MAMLD1: variants seen among roughly 807,000 people sequenced by gnomAD.
MAMLD1 encodes the protein mastermind-like domain-containing protein 1.
In MAMLD1, 14 loss-of-function variants were observed where a neutral mutation model predicts 45.0. The ratio of observed to expected loss-of-function variants is 0.31; its 90% CI spans 0.21 to 0.49. The LOEUF is 0.49. Among genes scored for constraint, MAMLD1 ranks in the 20% least tolerant of loss-of-function variants. The pLI is 0.99. For missense variants in MAMLD1, 543 were observed against 603.6 expected, an observed-to-expected ratio of 0.90 and a Z score of 1.05; for synonymous variants, 254 against 247.8, an observed-to-expected ratio of 1.02 and a Z score of -0.24.
At chrX:150,428,917 T>A (rs2034813856) in intron 1 of MAMLD1, among the ~76,000 whole-genome samples, 1 of 111,718 alleles carries the variant, frequency 9.0e-6, no homozygotes, top group Admixed American at 9.5e-5. Context: ...TGGCTCCGGG[T>A]GTCACAAAGG....
chrX:150,381,805 C>T (rs990422194), intron 1 of MAMLD1, among the ~76,000 whole-genome samples: 50 of 111,965 alleles, frequency 4.5e-4, no homozygotes, highest in African/African-American at 1.6e-3. Context: ...GTTTATTTTT[C>T]ATCCATATAA....
At chrX:150,440,637 A>G (rs1368723529) in intron 1 of MAMLD1, among the ~76,000 whole-genome samples, 1 of 109,227 alleles carries the variant, frequency 9.2e-6, no homozygotes, top group African/African-American at 3.3e-5. Flanking sequence ...TTATATGTGT[A>G]TTCATAGTAG....
At chrX:150,430,567 G>T (rs893122636) in intron 1 of MAMLD1, among the ~76,000 whole-genome samples, 4 of 111,422 alleles carry the variant, frequency 3.6e-5, no homozygotes, top group Non-Finnish European at 5.7e-5. Context: ...AAATCCAGAA[G>T]ATTTTCTCCT....
intron 1 of MAMLD1, among the ~76,000 whole-genome samples, chrX:150,367,559 AC>A (rs1443502459): frequency 9.0e-6 from 1 of 110,695 alleles, no homozygotes; most frequent in Non-Finnish European, 1.9e-5. Context: ...ATACAGTAAA[AC>A]CTTTTTTTAT....
chrX:150,454,181 G>T (rs1191263813), intron 2 of MAMLD1, among the ~76,000 whole-genome samples: 4 of 112,260 alleles, frequency 3.6e-5, no homozygotes, highest in Non-Finnish European at 7.5e-5. Context: ...CCTTAGGGCT[G>T]CCCATGTGAT....
chrX:150,504,793 A>C (rs1557408748), intron 6 of MAMLD1: 5 of 751,542 alleles, frequency 6.7e-6, no homozygotes, highest in African/African-American at 4.7e-5. Context: ...GTGGCCCCAA[A>C]TCTTCTCTAA....
intron 1 of MAMLD1, among the ~76,000 whole-genome samples, chrX:150,402,426 G>A (rs1415209593): frequency 7.5e-5 from 8 of 106,731 alleles, no homozygotes; most frequent in African/African-American, 2.1e-4. Context: ...GAAACAACAG[G>A]TGCTGGAGAG....
At chrX:150,430,512 A>T (rs192725357) in intron 1 of MAMLD1, among the ~76,000 whole-genome samples, 318 of 111,572 alleles carry the variant, frequency 2.9e-3, no homozygotes, top group African/African-American at 9.5e-3. Flanking sequence ...TTTATGGGTT[A>T]TGCTTTTGGT....
intron 1 of MAMLD1, among the ~76,000 whole-genome samples, chrX:150,423,366 GTGTGTGTGTGTGTGTGTGTT>G (rs1165452668): frequency 5.6e-5 from 6 of 106,795 alleles, no homozygotes; most frequent in East Asian, 5.9e-4. Flanking sequence ...GTGTGTGTGT[GTGTGTGTGTGTGTGTGTGTT>G]TGCACCTTTG....
At chrX:150,499,044 G>A (rs1044640650) in intron 5 of MAMLD1, among the ~76,000 whole-genome samples, 3 of 111,882 alleles carry the variant, frequency 2.7e-5, no homozygotes, top group Non-Finnish European at 5.6e-5. Flanking sequence ...TGGGCTATCT[G>A]GATAATATTT....
chrX:150,438,521 T>C (rs1424037440), intron 1 of MAMLD1, among the ~76,000 whole-genome samples: 1 of 112,086 alleles, frequency 8.9e-6, no homozygotes, highest in Admixed American at 9.4e-5. Context: ...ATTCTTCCCC[T>C]CCCCTCAGTT....
intron 2 of MAMLD1, among the ~76,000 whole-genome samples, chrX:150,456,177 G>A (rs2035859752): frequency 9.0e-6 from 1 of 110,711 alleles, no homozygotes; most frequent in African/African-American, 3.3e-5. Flanking sequence ...GGGGAAGGCT[G>A]GCTTACTGCT....
chrX:150,409,022 G>A (rs2034061257), intron 1 of MAMLD1, among the ~76,000 whole-genome samples: 2 of 111,689 alleles, frequency 1.8e-5, no homozygotes, highest in Admixed American at 1.9e-4. Flanking sequence ...TCCTGGAAGG[G>A]ACTAGACAAC....
intron 3 of MAMLD1, among the ~76,000 whole-genome samples, 157 bp downstream of exon 3, chrX:150,463,003 T>C (rs1557405705): frequency 8.9e-6 from 1 of 112,328 alleles, no homozygotes; most frequent in African/African-American, 3.2e-5. Context: ...AAATGATCTC[T>C]GCCCGGTGGC....
intron 1 of MAMLD1, among the ~76,000 whole-genome samples, chrX:150,377,245 C>G (rs145362888): frequency 0.034 from 3,816 of 113,286 alleles, 164 homozygotes; most frequent in African/African-American, 0.11. Flanking sequence ...AGCTCTACTG[C>G]CTTGCTGTGT....
In MAMLD1 at chrX:150,471,495, G is replaced by T. The variant is rs781895705; in HGVS notation, c.1917+5G>T. The stretch of plus-strand genomic sequence containing the variant: ...ATGCCTGCTCTGCCCAGACAGGTAA[G>T]ACAATCTCATATCTGGCTGTGTTCT... On this transcript the variant is annotated splice_donor_5th_base_variant and intron_variant, in intron 4 of 7. Coordinates refer to ENST00000370401, the MANE Select transcript of MAMLD1 (RefSeq NM_005491.5). 65 of 1,210,021 alleles carry T rather than the reference G, an allele frequency of 5.4e-5. No individual in the cohort carries two copies. Among genetic ancestry groups the T allele is most frequent in the Non-Finnish European group, 6.6e-5 (59 of 894,746 alleles).
chrX:150,370,582 G>T (rs2031894100), intron 1 of MAMLD1, among the ~76,000 whole-genome samples: 1 of 111,004 alleles, frequency 9.0e-6, no homozygotes, highest in Non-Finnish European at 1.9e-5. Flanking sequence ...GTCCTGTGGG[G>T]TCCTGCTCCC....
rs940870741 is a variant in MAMLD1 at position 150,435,408 on chromosome X, G to A, written c.-63-10046G>A. 3.6e-5 allele frequency among the ~76,000 whole-genome samples: 4 copies of A among 111,296 alleles called. No individual in the cohort carries two copies. In the East Asian group the frequency reaches 8.5e-4, roughly 24 times the overall value. On this transcript the variant is annotated intron_variant, in intron 1 of 7. Transcript: ENST00000370401. ...CAGGCACCTGTAATCCCAGCTACTC[G>A]GGAGGCTGAGGCAAAGAATTGCTTG...
intron 1 of MAMLD1, among the ~76,000 whole-genome samples, chrX:150,441,294 A>T (rs1476309414): frequency 9.3e-6 from 1 of 107,995 alleles, no homozygotes; most frequent in African/African-American, 3.3e-5. Context: ...TGTCTTCAGT[A>T]TTATTGATTT....
Sources: allele counts gnomAD v4.1 joint callset (sites outside exome capture counted in the v4.1 genomes callset), GRCh38; gene constraint gnomAD v4.1.1; transcripts MANE v1.5; gene names NCBI Gene and HGNC (gene_info 2026-07-23, HGNC 2026-07-21).